Variants in PATJ observed in about 807,000 individuals in gnomAD.
PATJ encodes the protein inaD-like protein.
Under a neutral mutation model 224.9 loss-of-function variants are expected in PATJ, and 190 were observed. The observed-to-expected ratio is 0.84, with a 90% CI of 0.75 to 0.95. The LOEUF is 0.95. Among genes scored for constraint, PATJ ranks in the 40% least tolerant of loss-of-function variants. The pLI, the probability that PATJ is intolerant of heterozygous loss-of-function variation, is 0.00. For missense variants in PATJ, 2,121 were observed against 2,270.3 expected (o/e 0.93, Z 1.34); for synonymous variants, 769 against 820.3 (o/e 0.94, Z 1.07).
intron 31 of PATJ, 52 bp from the exon 32 acceptor site, chr1:62,079,398 C>T (rs1421190228): frequency 9.3e-7 from 1 of 1,075,284 alleles, no homozygotes; most frequent in East Asian, 2.4e-5. Flanking sequence ...AAAGTATTTT[C>T]TTGTTACCTT....
At chr1:62,118,939 C>T (rs562096607) in intron 37 of PATJ, among the ~76,000 whole-genome samples, 1 of 151,172 alleles carries the variant, frequency 6.6e-6, no homozygotes, top group East Asian at 1.9e-4. Flanking sequence ...GCCGCATCTT[C>T]ATAATTTTTA....
At chr1:62,123,104 A>C in intron 39 of PATJ, 46 bp downstream of exon 39, 1 of 1,345,356 alleles carries the variant, frequency 7.4e-7, no homozygotes, top group Admixed American at 1.8e-5. Context: ...TTTGTGTTGG[A>C]TTTGCACTAA....
At chr1:61,746,801 A>C (rs1342037486) in intron 1 of PATJ, among the ~76,000 whole-genome samples, 1 of 152,254 alleles carries the variant, frequency 6.6e-6, no homozygotes, top group Non-Finnish European at 1.5e-5. Flanking sequence ...AAAAGTACAC[A>C]GACTACTATT....
rs1280746499 is a variant in PATJ, at chr1:61,945,783, G to A, written c.3670+17954G>A. Among the ~76,000 whole-genome samples, 52 of 152,198 alleles carry A rather than the reference G, an allele frequency of 3.4e-4. No individual in the cohort carries two copies. In the East Asian group the frequency reaches 6.4e-3, roughly 19 times the overall value. ...TATACATTCTTCTCAGCACCACATCGCACTTATTCCAAAATTGACCACATA... is the reference window on the plus strand; with the variant it reads ...TATACATTCTTCTCAGCACCACATCACACTTATTCCAAAATTGACCACATA... On this transcript the variant is annotated intron_variant, in intron 27 of 43. Transcript: ENST00000642238.
At chr1:62,026,206 A>G (rs1408293035) in intron 29 of PATJ, among the ~76,000 whole-genome samples, 1 of 152,230 alleles carries the variant, frequency 6.6e-6, no homozygotes, top group East Asian at 1.9e-4. Flanking sequence ...AGTTAGGAAT[A>G]TCTCCTGGAA....
chr1:61,820,438 G>A (rs540102601), intron 14 of PATJ, among the ~76,000 whole-genome samples: 359 of 151,946 alleles, frequency 2.4e-3, no homozygotes, highest in Non-Finnish European at 3.3e-3. Flanking sequence ...TGCCTCCTGG[G>A]CTCAAGCGAT....
Position 61,833,654 on chromosome 1 carries a change from G to T in PATJ, c.1981G>T (p.Val661Phe). ...GCATTTATCTTCTTTGGTATTTCAG[G>T]TTGACCACAATATGGATGTCAATAC... ...RTETSLPETE[V>F]DHNMDVNTEE... is the part of the protein sequence containing the mutation. Residue 661 changes from valine to phenylalanine, a missense_variant and splice_region_variant, in exon 17 of 44, where the codon GTT becomes TTT. By Grantham distance (50) the Val-to-Phe change is conservative. Transcript: ENST00000642238. The T allele has an allele frequency of 6.2e-7, 1 of 1,605,276 alleles. No individual in the cohort carries two copies. The highest frequency in any genetic ancestry group is 8.5e-7 in the Non-Finnish European group (1 of 1,176,578).
chr1:61,996,909 AT>A (rs1645396844), intron 28 of PATJ, among the ~76,000 whole-genome samples: 1 of 151,652 alleles, frequency 6.6e-6, no homozygotes, highest in South Asian at 2.1e-4. Context: ...TGCCCGGCTA[AT>A]TTTTGTATTT....
At position 62,060,335 on chromosome 1, in the gene PATJ, C is replaced by G. The variant is rs553759180; in HGVS notation, c.4125+9277C>G. On this transcript the variant is annotated intron_variant, in intron 31 of 43. Coordinates refer to ENST00000642238, the MANE Select transcript of PATJ (RefSeq NM_001350145.3). ...AGCCTTATGGATTTGACTGGGCTGA[C>G]TTTTTTTATTTTTAATTTCAACTTT... is the stretch of plus-strand genomic sequence containing the variant. 5.3e-5 allele frequency among the ~76,000 whole-genome samples: 8 copies of G among 152,008 alleles called. No individual in the cohort carries two copies. In the South Asian group the frequency reaches 6.3e-4, roughly 12 times the overall value.
intron 33 of PATJ, among the ~76,000 whole-genome samples, chr1:62,088,612 T>C (rs1490771379): frequency 6.6e-6 from 1 of 152,098 alleles, no homozygotes. Flanking sequence ...TTTACAGAGA[T>C]AATAATACCT....
chr1:61,829,282 T>C (rs1459818448), intron 16 of PATJ, among the ~76,000 whole-genome samples: 1 of 152,238 alleles, frequency 6.6e-6, no homozygotes, highest in Non-Finnish European at 1.5e-5. Flanking sequence ...GATTATTGGT[T>C]GACTCTTTTT....
intron 31 of PATJ, among the ~76,000 whole-genome samples, chr1:62,074,917 T>C (rs1005013787): frequency 2.0e-5 from 3 of 152,118 alleles, no homozygotes; most frequent in African/African-American, 7.2e-5. Flanking sequence ...TGAGCTGAGA[T>C]CACAGCACTG....
intron 27 of PATJ, among the ~76,000 whole-genome samples, chr1:61,928,688 G>A (rs1168467709): frequency 1.3e-5 from 2 of 151,842 alleles, no homozygotes; most frequent in African/African-American, 4.8e-5. Flanking sequence ...TTAAAATAAA[G>A]CAATAAAGCC....
chr1:61,862,427 C>G (rs2148945060), intron 19 of PATJ, among the ~76,000 whole-genome samples: 1 of 152,224 alleles, frequency 6.6e-6, no homozygotes, highest in East Asian at 1.9e-4. Context: ...GAACTCCTGA[C>G]CTCAGGTGAT....
chr1:62,049,285 T>TCACACAC (rs1653152745), intron 30 of PATJ, among the ~76,000 whole-genome samples: 1 of 94,038 alleles, frequency 1.1e-5, no homozygotes, highest in African/African-American at 4.6e-5. Context: ...ACACACAGAG[T>TCACACAC]ATTTTTTTTT....
chr1:61,889,585 A>G (rs1276185734), intron 22 of PATJ, among the ~76,000 whole-genome samples: 1 of 152,226 alleles, frequency 6.6e-6, no homozygotes, highest in Non-Finnish European at 1.5e-5. Flanking sequence ...ATTAACAACA[A>G]TAACTGGTAA....
intron 26 of PATJ, among the ~76,000 whole-genome samples, chr1:61,917,298 A>G (rs1418783019): frequency 2.0e-5 from 3 of 152,198 alleles, no homozygotes; most frequent in Non-Finnish European, 4.4e-5. Flanking sequence ...TGGTTAGGTC[A>G]GGTCTCTTTC....
intron 37 of PATJ, among the ~76,000 whole-genome samples, chr1:62,118,496 C>A (rs1453705381): frequency 6.6e-6 from 1 of 152,118 alleles, no homozygotes; most frequent in Non-Finnish European, 1.5e-5. Flanking sequence ...GGGAAAATAG[C>A]ATACACAAAG....
chr1:61,816,492 C>T (rs996723889), intron 14 of PATJ: 15 of 152,036 alleles, frequency 9.9e-5, no homozygotes, highest in African/African-American at 2.4e-4. Context: ...GCAAGGATGA[C>T]GCACAAATTC....
Sources: gnomAD v4.1 joint callset for allele counts (sites outside exome capture counted in the v4.1 genomes callset) on GRCh38, gnomAD v4.1.1 for gene constraint, MANE v1.5 for transcripts, NCBI Gene and HGNC (gene_info 2026-07-23, HGNC 2026-07-21) for gene names.